Variants in NXPE2 observed in about 807,000 individuals in gnomAD.
The protein encoded by NXPE2 is neurexophilin and PC-esterase domain family member 2.
A neutral mutation model predicts 34.4 loss-of-function variants in NXPE2; 34 were observed. The ratio of observed to expected loss-of-function variants is 0.99; its 90% CI spans 0.75 to 1.31. The LOEUF is 1.31. Among genes scored for constraint, NXPE2 ranks in the 40% most tolerant of loss-of-function variants. The probability of loss-of-function intolerance (pLI) is 0.00; values close to 1 mark genes in which losing one functional copy is unlikely to be tolerated. For missense variants in NXPE2, 649 were observed against 672.5 expected (o/e 0.97, Z 0.39); for synonymous variants, 235 against 231.3 (o/e 1.02, Z -0.15).
chr11:114,552,200 T>C, the NXPE2 span: 1 of 152,190 alleles, frequency 6.6e-6, no homozygotes, highest in Non-Finnish European at 1.5e-5. Flanking sequence ...TTGCAACTCA[T>C]ATTGAATCAC....
At chr11:114,802,060 C>T in the NXPE2 span, among the ~76,000 whole-genome samples, 1 of 152,096 alleles carries the variant, frequency 6.6e-6, no homozygotes, top group East Asian at 1.9e-4. Flanking sequence ...TAGATAAAGA[C>T]AAGAAAATGG....
chr11:114,705,737 T>C (rs938469571), intron 4 of NXPE2, 44 bp from the exon 5 acceptor site: 10 of 1,188,808 alleles, frequency 8.4e-6, no homozygotes, highest in Admixed American at 7.2e-5. Context: ...CCAAAATAAT[T>C]TGTGGTAATA....
At chr11:114,632,427 TATAA>T in the NXPE2 span, among the ~76,000 whole-genome samples, 2 of 131,432 alleles carry the variant, frequency 1.5e-5, no homozygotes, top group African/African-American at 2.8e-5. Flanking sequence ...ATAATATAAA[TATAA>T]ATATATAATA....
the NXPE2 span, among the ~76,000 whole-genome samples, chr11:114,593,009 A>G: frequency 6.6e-6 from 1 of 152,256 alleles, no homozygotes; most frequent in Non-Finnish European, 1.5e-5. Flanking sequence ...TTCTCTCACC[A>G]TATACAAAAC....
At chr11:114,598,577 T>C in the NXPE2 span, among the ~76,000 whole-genome samples, 1 of 152,252 alleles carries the variant, frequency 6.6e-6, no homozygotes, top group African/African-American at 2.4e-5. Flanking sequence ...TCTTGCACTC[T>C]GTGCACCTGC....
At chr11:114,493,681 G>A in the NXPE2 span, among the ~76,000 whole-genome samples, 1 of 151,974 alleles carries the variant, frequency 6.6e-6, no homozygotes, top group Non-Finnish European at 1.5e-5. Flanking sequence ...GTCTTGAAAA[G>A]TTGTAGTTAT....
chr11:114,627,019 T>G, the NXPE2 span, among the ~76,000 whole-genome samples: 1 of 151,168 alleles, frequency 6.6e-6, no homozygotes, highest in South Asian at 2.1e-4. Flanking sequence ...TGGGACTATG[T>G]GACAAGACCA....
the NXPE2 span, among the ~76,000 whole-genome samples, chr11:114,473,056 A>G: frequency 6.6e-6 from 1 of 152,206 alleles, no homozygotes; most frequent in Non-Finnish European, 1.5e-5. Flanking sequence ...ACAGACAACA[A>G]TTGTAATCTG....
chr11:114,564,966 T>C, the NXPE2 span, among the ~76,000 whole-genome samples: 1 of 152,198 alleles, frequency 6.6e-6, no homozygotes, highest in African/African-American at 2.4e-5. Flanking sequence ...AAAATCTTAT[T>C]CATCTTTATT....
chr11:114,724,773 C>A, the NXPE2 span, among the ~76,000 whole-genome samples: 1 of 151,924 alleles, frequency 6.6e-6, no homozygotes, highest in Non-Finnish European at 1.5e-5. Context: ...ACCTTTTCCA[C>A]CCCTCTCTGC....
chr11:114,506,809 C>A, the NXPE2 span, among the ~76,000 whole-genome samples: 1 of 152,010 alleles, frequency 6.6e-6, no homozygotes, highest in South Asian at 2.1e-4. Flanking sequence ...AACCTAACAT[C>A]ACAACTAAAA....
the NXPE2 span, among the ~76,000 whole-genome samples, chr11:114,495,369 G>C: frequency 6.6e-6 from 1 of 151,856 alleles, no homozygotes. Context: ...CTATAGTTGA[G>C]AACCTTAGTG....
At chr11:114,582,587 C>T in the NXPE2 span, 1 of 1,614,192 alleles carries the variant, frequency 6.2e-7, no homozygotes, top group Non-Finnish European at 8.5e-7. Context: ...GCAGCAGAGA[C>T]AGAGAGACCT....
At chr11:114,725,831 G>A in the NXPE2 span, among the ~76,000 whole-genome samples, 1 of 151,444 alleles carries the variant, frequency 6.6e-6, no homozygotes, top group Non-Finnish European at 1.5e-5. Flanking sequence ...CATCCTCATT[G>A]TGTCTCCCCT....
chr11:114,526,949 A>G, the NXPE2 span, among the ~76,000 whole-genome samples: 1 of 152,176 alleles, frequency 6.6e-6, no homozygotes, highest in Non-Finnish European at 1.5e-5. Context: ...TTCTCTGACT[A>G]CACGTATCCT....
the NXPE2 span, among the ~76,000 whole-genome samples, chr11:114,796,308 T>G: frequency 6.6e-6 from 1 of 152,254 alleles, no homozygotes; most frequent in East Asian, 1.9e-4. Flanking sequence ...ATTGTTGCTC[T>G]TTATTCAGTC....
At chr11:114,633,130 T>TGA in the NXPE2 span, among the ~76,000 whole-genome samples, 12 of 124,294 alleles carry the variant, frequency 9.7e-5, no homozygotes, top group Non-Finnish European at 1.9e-4. Flanking sequence ...ATAATTTATA[T>TGA]TTCATATATT....
chr11:114,644,291 G>A, the NXPE2 span, among the ~76,000 whole-genome samples: 2 of 152,192 alleles, frequency 1.3e-5, no homozygotes, highest in African/African-American at 2.4e-5. Flanking sequence ...CCAATACTAC[G>A]TTGAATAGGA....
At chr11:114,522,273 T>A in the NXPE2 span, 3 of 1,614,050 alleles carry the variant, frequency 1.9e-6, no homozygotes, top group Admixed American at 5.0e-5. Context: ...AAAATGTCAA[T>A]GGGAAATGGT....
Sources: allele counts gnomAD v4.1 joint callset (sites outside exome capture counted in the v4.1 genomes callset), GRCh38; gene constraint gnomAD v4.1.1; transcripts MANE v1.5; gene names NCBI Gene and HGNC (gene_info 2026-07-23, HGNC 2026-07-21).